Variants in AKT3 observed in about 807,000 individuals in gnomAD.
The protein encoded by AKT3 is AKT serine/threonine kinase 3.
In AKT3, 15 loss-of-function variants were observed where a neutral mutation model predicts 65.3. The ratio of observed to expected loss-of-function variants is 0.23; its 90% CI spans 0.15 to 0.35. The LOEUF is 0.35. Ranked by LOEUF, AKT3 falls within the 10% of genes least tolerant of loss-of-function variation. The probability of loss-of-function intolerance (pLI) is 1.00; values close to 1 mark genes in which losing one functional copy is unlikely to be tolerated. For missense variants in AKT3, 243 were observed against 576.5 expected (o/e 0.42, Z 5.92); for synonymous variants, 206 against 183.8 (o/e 1.12, Z -0.98).
chr1:243,793,053 C>G (rs1023891953), intron 2 of AKT3, among the ~76,000 whole-genome samples: 1 of 152,072 alleles, frequency 6.6e-6, no homozygotes, highest in African/African-American at 2.4e-5. Flanking sequence ...GAGTAACACC[C>G]GAAGTGAAGC....
chr1:243,509,058 A>T (rs1001243547), intron 13 of AKT3, among the ~76,000 whole-genome samples: 1 of 152,186 alleles, frequency 6.6e-6, no homozygotes, highest in African/African-American at 2.4e-5. Context: ...CTTCCTAGGT[A>T]TCTCTGTCTC....
At chr1:243,735,999 G>C (rs1687823630) in intron 2 of AKT3, among the ~76,000 whole-genome samples, 1 of 152,092 alleles carries the variant, frequency 6.6e-6, no homozygotes, top group African/African-American at 2.4e-5. Context: ...ATTTAGCTTT[G>C]GTTATATTTA....
At chr1:243,669,135 G>C (rs1249651948) in intron 3 of AKT3, among the ~76,000 whole-genome samples, 1 of 152,138 alleles carries the variant, frequency 6.6e-6, no homozygotes, top group Non-Finnish European at 1.5e-5. Context: ...GAAGCCAACT[G>C]TTCCTCCCCA....
chr1:243,818,636 CAATT>C (rs1327396162), intron 2 of AKT3, among the ~76,000 whole-genome samples: 1 of 151,964 alleles, frequency 6.6e-6, no homozygotes, highest in African/African-American at 2.4e-5. Context: ...TTGATGAAAA[CAATT>C]AAGACTTAAA....
At chr1:243,562,564 G>A (rs979125605) in intron 10 of AKT3, among the ~76,000 whole-genome samples, 2 of 152,188 alleles carry the variant, frequency 1.3e-5, no homozygotes, top group African/African-American at 4.8e-5. Flanking sequence ...AAGGCACCAT[G>A]CAGCTTCTAA....
At chr1:243,604,019 C>T (rs1256764373) in intron 8 of AKT3, among the ~76,000 whole-genome samples, 4 of 151,806 alleles carry the variant, frequency 2.6e-5, no homozygotes, top group Non-Finnish European at 2.9e-5. Flanking sequence ...CCTCAGCCTC[C>T]CAAGTAGCTG....
chr1:243,795,371 T>C (rs1285678149), intron 2 of AKT3, among the ~76,000 whole-genome samples: 1 of 151,818 alleles, frequency 6.6e-6, no homozygotes, highest in Non-Finnish European at 1.5e-5. Flanking sequence ...CAGGCTTGAC[T>C]GTGCAGTTCT....
At chr1:243,711,309 C>A (rs188225805) in intron 2 of AKT3, among the ~76,000 whole-genome samples, 1 of 152,116 alleles carries the variant, frequency 6.6e-6, no homozygotes, top group African/African-American at 2.4e-5. Flanking sequence ...GCCTGGGTGA[C>A]GGAGTGAGAC....
chr1:243,816,045 T>C (rs1693500214), intron 2 of AKT3, among the ~76,000 whole-genome samples: 1 of 152,196 alleles, frequency 6.6e-6, no homozygotes, highest in Non-Finnish European at 1.5e-5. Context: ...GGGTCTGTCA[T>C]GAAATTGCAG....
chr1:243,704,385 T>A (rs2148054245), intron 2 of AKT3, among the ~76,000 whole-genome samples: 1 of 152,232 alleles, frequency 6.6e-6, no homozygotes, highest in Non-Finnish European at 1.5e-5. Flanking sequence ...TCGTGGAGCT[T>A]TAAGTCTAGT....
intron 2 of AKT3, among the ~76,000 whole-genome samples, chr1:243,782,529 C>T (rs185651507): frequency 4.1e-4 from 62 of 152,248 alleles, no homozygotes; most frequent in Non-Finnish European, 7.5e-4. Context: ...ACCTAATCAC[C>T]TCACCCAAAG....
At chr1:243,616,018 G>A (rs996502106) in intron 6 of AKT3, among the ~76,000 whole-genome samples, 9 of 151,934 alleles carry the variant, frequency 5.9e-5, no homozygotes, top group African/African-American at 2.2e-4. Flanking sequence ...AGAGACTACA[G>A]GTTGTTTTTT....
At chr1:243,563,332 A>G (rs1208599542) in intron 10 of AKT3, among the ~76,000 whole-genome samples, 4 of 152,224 alleles carry the variant, frequency 2.6e-5, no homozygotes, top group African/African-American at 7.2e-5. Flanking sequence ...TAAACCCACA[A>G]TACTATAAAT....
intron 12 of AKT3, among the ~76,000 whole-genome samples, chr1:243,535,143 A>ATTTTTAAAATAT (rs1671806356): frequency 1.4e-5 from 2 of 141,608 alleles, no homozygotes; most frequent in Non-Finnish European, 3.1e-5. Flanking sequence ...TAAAATTAAA[A>ATTTTTAAAATAT]ATTTTAAAAT....
At chr1:243,815,727 C>T (rs1160341807) in intron 2 of AKT3, among the ~76,000 whole-genome samples, 1 of 151,620 alleles carries the variant, frequency 6.6e-6, no homozygotes, top group Non-Finnish European at 1.5e-5. Flanking sequence ...CCTCCCACCT[C>T]AGTCTCCCAA....
At chr1:243,769,741 T>C (rs974356561) in intron 2 of AKT3, among the ~76,000 whole-genome samples, 2 of 152,240 alleles carry the variant, frequency 1.3e-5, no homozygotes, top group Admixed American at 6.5e-5. Flanking sequence ...TCTATTCTTT[T>C]CACTTTCTTA....
At position 243,618,577 on chromosome 1, in the gene AKT3, T is replaced by C. The variant is rs566231621; in HGVS notation, c.562-3416A>G. On this transcript the variant is annotated intron_variant, in intron 6 of 13. Coordinates refer to ENST00000673466, the MANE Select transcript of AKT3 (RefSeq NM_005465.7). ...TAATTATGAAGAGTTCTAGAAATGC[T>C]TGGGGATACAATGTATTTTTTTCAT... is the stretch of plus-strand genomic sequence containing the variant. Among the ~76,000 whole-genome samples, 59 of 152,292 alleles carry C rather than the reference T, an allele frequency of 3.9e-4. No homozygotes were observed. In the South Asian group the frequency reaches 0.011, roughly 28 times the overall value.
intron 2 of AKT3, among the ~76,000 whole-genome samples, chr1:243,773,447 T>C (rs1453446898): frequency 6.6e-6 from 1 of 152,032 alleles, no homozygotes; most frequent in Non-Finnish European, 1.5e-5. Flanking sequence ...ACTTCATCTT[T>C]CTATGCCTCT....
At chr1:243,522,021 C>T (rs1670750282) in intron 12 of AKT3, among the ~76,000 whole-genome samples, 1 of 152,166 alleles carries the variant, frequency 6.6e-6, no homozygotes, top group Admixed American at 6.5e-5. Flanking sequence ...AGAGGATTCA[C>T]CTATAAATTA....
Sources: allele counts gnomAD v4.1 joint callset (sites outside exome capture counted in the v4.1 genomes callset), GRCh38; gene constraint gnomAD v4.1.1; transcripts MANE v1.5; gene names NCBI Gene and HGNC (gene_info 2026-07-23, HGNC 2026-07-21).